The following IGF2BP1 variants were observed in gnomAD, a reference collection of about 807,000 sequenced individuals.
The protein encoded by IGF2BP1 is insulin-like growth factor 2 mRNA-binding protein 1.
A neutral mutation model predicts 74.9 loss-of-function variants in IGF2BP1; 11 were observed. That is an observed-to-expected ratio of 0.15 (90% CI 0.09 to 0.24). The LOEUF is 0.24. Among genes scored for constraint, IGF2BP1 ranks in the 10% least tolerant of loss-of-function variants. The probability of loss-of-function intolerance (pLI) is 1.00; values close to 1 mark genes in which losing one functional copy is unlikely to be tolerated. For synonymous variants in IGF2BP1, 287 were observed against 281.8 expected (o/e 1.02, Z -0.18); for missense variants, 440 against 757.4 (o/e 0.58, Z 4.92).
intron 4 of IGF2BP1, among the ~76,000 whole-genome samples, chr17:49,029,868 G>T (rs1352873508): frequency 6.6e-6 from 1 of 150,428 alleles, no homozygotes; most frequent in Non-Finnish European, 1.5e-5. Flanking sequence ...CAAATTCCTG[G>T]CACCACCTTC....
At chr17:49,026,047 G>A (rs1056390371) in intron 3 of IGF2BP1, among the ~76,000 whole-genome samples, 1 of 151,826 alleles carries the variant, frequency 6.6e-6, no homozygotes, top group African/African-American at 2.4e-5. Context: ...TGGAGACAGG[G>A]TTTCACCATG....
At position 49,053,927 on chromosome 17, in the gene IGF2BP1, C is replaced by T. The variant is rs946417609; in HGVS notation, c.*4483C>T. On this transcript the variant is annotated 3_prime_UTR_variant, in exon 15 of 15. Coordinates refer to ENST00000290341, the MANE Select transcript of IGF2BP1 (RefSeq NM_006546.4). The stretch of plus-strand genomic sequence containing the variant: ...GAAAACCAGTAGAAGGGAAACAGCA[C>T]AGCCTGTCACAGTAATTGCAGGAAG... 1 of 152,706 alleles carries T rather than the reference C, an allele frequency of 6.5e-6. No homozygotes were observed. The highest frequency in any genetic ancestry group is 1.5e-5 in the Non-Finnish European group (1 of 68,058). 9.5% of individuals were successfully genotyped at this position (152,706 alleles called of 1,614,324 possible). A position where few individuals can be genotyped will look rare whatever the true frequency, so the allele number is the denominator to read the frequency against.
At chr17:49,045,479 C>T (rs145735447) in intron 12 of IGF2BP1, among the ~76,000 whole-genome samples, 21 of 152,340 alleles carry the variant, frequency 1.4e-4, no homozygotes, top group African/African-American at 4.8e-4. Context: ...AGGACTGGGA[C>T]AGCTCTCTGG....
chr17:48,998,250 T>C (rs1432967241), intron 1 of IGF2BP1, among the ~76,000 whole-genome samples: 2 of 152,130 alleles, frequency 1.3e-5, no homozygotes, highest in Non-Finnish European at 2.9e-5. Context: ...GGATGACCCC[T>C]GGCTGGGCGT....
chr17:49,014,428 C>G (rs1402091421), intron 2 of IGF2BP1, among the ~76,000 whole-genome samples: 1 of 151,814 alleles, frequency 6.6e-6, no homozygotes, highest in African/African-American at 2.4e-5. Context: ...GTCCCCTCCT[C>G]CTGGCCAAGG....
chr17:49,042,033 G>C (rs1035264318), intron 8 of IGF2BP1, among the ~76,000 whole-genome samples: 11 of 152,228 alleles, frequency 7.2e-5, no homozygotes, highest in African/African-American at 2.4e-4. Context: ...AGGAGTTTGA[G>C]TTAGGTGTTG....
At chr17:49,037,309 C>G (rs2042001679) in intron 5 of IGF2BP1, 1 of 486,524 alleles carries the variant, frequency 2.1e-6, no homozygotes, top group South Asian at 2.2e-5. Context: ...GGACGTCTAA[C>G]TGCTCACTAT....
At chr17:49,022,741 C>T (rs762495763) in intron 2 of IGF2BP1, among the ~76,000 whole-genome samples, 3 of 152,168 alleles carry the variant, frequency 2.0e-5, no homozygotes, top group Admixed American at 6.5e-5. Flanking sequence ...ATCCCCTCCA[C>T]GAAAGAAAGC....
chr17:49,008,204 G>GGC (rs2041573951), intron 2 of IGF2BP1, among the ~76,000 whole-genome samples: 1 of 151,944 alleles, frequency 6.6e-6, no homozygotes, highest in African/African-American at 2.4e-5. Flanking sequence ...TAAATTGAAG[G>GGC]GCAAAGATAA....
intron 7 of IGF2BP1, among the ~76,000 whole-genome samples, chr17:49,041,083 A>C (rs2042047279): frequency 6.6e-6 from 1 of 152,098 alleles, no homozygotes; most frequent in Non-Finnish European, 1.5e-5. Flanking sequence ...GAAGGCTGAG[A>C]AGGGAGGATC....
At chr17:49,008,625 A>G (rs1334911714) in intron 2 of IGF2BP1, among the ~76,000 whole-genome samples, 3 of 152,168 alleles carry the variant, frequency 2.0e-5, no homozygotes, top group Non-Finnish European at 2.9e-5. Flanking sequence ...TTAAACTTCT[A>G]ACTAAAAGAG....
intron 4 of IGF2BP1, 150 bp downstream of exon 4, chr17:49,026,667 GCCTTCCTT>G (rs1293462346): frequency 2.4e-5 from 14 of 595,284 alleles, no homozygotes; most frequent in African/African-American, 6.0e-5. Flanking sequence ...CTGCCTTCCT[GCCTTCCTT>G]CCTGCCTTCC....
chr17:49,034,385 T>C (rs144170248), intron 5 of IGF2BP1, among the ~76,000 whole-genome samples: 51,048 of 151,282 alleles, frequency 0.34, 9,130 homozygotes, highest in African/African-American at 0.42. Context: ...TCCCAAAGTG[T>C]TGGGATTACA....
chr17:49,043,365 G>T, intron 9 of IGF2BP1, 63 bp from the exon 10 acceptor site: 2 of 1,592,878 alleles, frequency 1.3e-6, no homozygotes, highest in South Asian at 1.1e-5. Context: ...TTTATACAGC[G>T]GGGGTCACAC....
At chr17:49,045,473 C>G (rs1223682619) in intron 12 of IGF2BP1, among the ~76,000 whole-genome samples, 1 of 152,188 alleles carries the variant, frequency 6.6e-6, no homozygotes, top group Non-Finnish European at 1.5e-5. Flanking sequence ...GGATAGAGGA[C>G]TGGGACAGCT....
At chr17:48,999,064 C>A in intron 1 of IGF2BP1, 45 bp from the exon 2 acceptor site, 1 of 1,175,428 alleles carries the variant, frequency 8.5e-7, no homozygotes, top group Non-Finnish European at 1.3e-6. Context: ...CCACCCCCAA[C>A]CCCTGTTCAA....
intron 2 of IGF2BP1, among the ~76,000 whole-genome samples, chr17:49,021,185 GTTTTC>G (rs1172310723): frequency 1.3e-5 from 2 of 151,542 alleles, no homozygotes; most frequent in African/African-American, 4.8e-5. Context: ...ATTGAGAACT[GTTTTC>G]TTTTCTCTTT....
At chr17:49,031,663 C>A (rs1021657360) in intron 4 of IGF2BP1, among the ~76,000 whole-genome samples, 3 of 151,878 alleles carry the variant, frequency 2.0e-5, no homozygotes, top group African/African-American at 7.3e-5. Context: ...CGTGCCACTA[C>A]GCCCGGCTAC....
chr17:49,034,750 A>AAAC (rs1567822914), intron 5 of IGF2BP1, among the ~76,000 whole-genome samples: 1 of 125,328 alleles, frequency 8.0e-6, no homozygotes, highest in African/African-American at 3.4e-5. Context: ...AAAAACACAA[A>AAAC]AAAAACAAAA....
Sources: allele counts gnomAD v4.1 joint callset (sites outside exome capture counted in the v4.1 genomes callset), GRCh38; gene constraint gnomAD v4.1.1; transcripts MANE v1.5; gene names NCBI Gene and HGNC (gene_info 2026-07-23, HGNC 2026-07-21).